The following SAMTOR variants were observed in gnomAD, a reference collection of about 807,000 sequenced individuals.
SAMTOR encodes the protein S-adenosylmethionine sensor upstream of mTORC1.
the SAMTOR span, among the ~76,000 whole-genome samples, chr7:112,909,733 G>A: frequency 1.1e-4 from 16 of 151,744 alleles, no homozygotes; most frequent in Middle Eastern, 3.4e-3. Context: ...TGTAACAGAA[G>A]AGAAATAAAA....
At chr7:112,932,119 G>GTTTC in the SAMTOR span, among the ~76,000 whole-genome samples, 6 of 151,864 alleles carry the variant, frequency 4.0e-5, no homozygotes, top group Non-Finnish European at 8.8e-5. Flanking sequence ...TAGAGACAGG[G>GTTTC]TTTCACCAAG....
the SAMTOR span, among the ~76,000 whole-genome samples, chr7:112,916,744 A>T: frequency 2.0e-5 from 3 of 152,152 alleles, no homozygotes; most frequent in Non-Finnish European, 2.9e-5. Flanking sequence ...CCACCCTAAT[A>T]CTGCGCTTTT....
the SAMTOR span, among the ~76,000 whole-genome samples, chr7:112,902,224 G>A: frequency 2.0e-5 from 3 of 151,662 alleles, no homozygotes; most frequent in East Asian, 5.8e-4. Context: ...CCTACATGGA[G>A]AAATCCGTGT....
At chr7:112,852,956 A>T in the SAMTOR span, among the ~76,000 whole-genome samples, 1 of 152,104 alleles carries the variant, frequency 6.6e-6, no homozygotes, top group East Asian at 1.9e-4. Context: ...AAGACTCTCT[A>T]AAGGACAACG....
chr7:112,823,881 T>C, the SAMTOR span, among the ~76,000 whole-genome samples: 1 of 152,246 alleles, frequency 6.6e-6, no homozygotes, highest in Non-Finnish European at 1.5e-5. Context: ...TGTAGTGGTA[T>C]TTCAGTTTTA....
chr7:112,909,276 C>A, the SAMTOR span, among the ~76,000 whole-genome samples: 1 of 152,248 alleles, frequency 6.6e-6, no homozygotes, highest in East Asian at 1.9e-4. Context: ...GTTTTGTGTA[C>A]TGGTTTTGTG....
chr7:112,898,335 T>C, the SAMTOR span, among the ~76,000 whole-genome samples: 1 of 152,194 alleles, frequency 6.6e-6, no homozygotes, highest in Non-Finnish European at 1.5e-5. Flanking sequence ...CCAGCTGTGG[T>C]GGCCATGGGA....
At chr7:112,874,670 GAATT>G in the SAMTOR span, among the ~76,000 whole-genome samples, 1 of 151,976 alleles carries the variant, frequency 6.6e-6, no homozygotes, top group Non-Finnish European at 1.5e-5. Flanking sequence ...GAAATATGTT[GAATT>G]AAATATAAAC....
chr7:112,903,002 A>G, the SAMTOR span, among the ~76,000 whole-genome samples: 2 of 152,192 alleles, frequency 1.3e-5, no homozygotes, highest in South Asian at 4.1e-4. Context: ...GCAATCTATA[A>G]AATGTTGACT....
chr7:112,849,668 C>T, the SAMTOR span, among the ~76,000 whole-genome samples: 4 of 152,228 alleles, frequency 2.6e-5, no homozygotes, highest in African/African-American at 9.6e-5. Flanking sequence ...GCATCTTTGT[C>T]TTGTTCCAGT....
chr7:112,844,172 A>G, the SAMTOR span, among the ~76,000 whole-genome samples: 1 of 152,122 alleles, frequency 6.6e-6, no homozygotes, highest in African/African-American at 2.4e-5. Context: ...CCAACATTAT[A>G]CTGAATAGGC....
the SAMTOR span, among the ~76,000 whole-genome samples, chr7:112,865,721 TATAC>T: frequency 1.4e-5 from 2 of 138,826 alleles, no homozygotes; most frequent in Non-Finnish European, 3.1e-5. Flanking sequence ...ATATTTCATA[TATAC>T]ATATATTCAT....
At chr7:112,886,326 C>A in the SAMTOR span, among the ~76,000 whole-genome samples, 1 of 152,062 alleles carries the variant, frequency 6.6e-6, no homozygotes, top group Non-Finnish European at 1.5e-5. Context: ...TGAGTTTTGG[C>A]AAAATGGGCA....
the SAMTOR span, among the ~76,000 whole-genome samples, chr7:112,856,892 T>C: frequency 5.3e-5 from 8 of 152,286 alleles, no homozygotes; most frequent in South Asian, 4.1e-4. Flanking sequence ...AGAATACAGA[T>C]AGCTTCAGCT....
At chr7:112,927,760 AC>A in the SAMTOR span, among the ~76,000 whole-genome samples, 4 of 152,218 alleles carry the variant, frequency 2.6e-5, no homozygotes, top group African/African-American at 9.6e-5. Flanking sequence ...AAATTGTCTT[AC>A]AAAATTCTAG....
the SAMTOR span, among the ~76,000 whole-genome samples, chr7:112,931,545 C>T: frequency 2.0e-5 from 3 of 152,224 alleles, no homozygotes; most frequent in Non-Finnish European, 2.9e-5. Flanking sequence ...GTGAACTTCA[C>T]AGGTGGGTCT....
the SAMTOR span, among the ~76,000 whole-genome samples, chr7:112,866,153 T>C: frequency 6.6e-6 from 1 of 152,166 alleles, no homozygotes; most frequent in South Asian, 2.1e-4. Flanking sequence ...ATTTAGGTAA[T>C]TGCTATATAA....
chr7:112,838,516 T>A, the SAMTOR span, among the ~76,000 whole-genome samples: 2 of 151,838 alleles, frequency 1.3e-5, no homozygotes, highest in Non-Finnish European at 2.9e-5. Flanking sequence ...CCTCAGAAGA[T>A]CTGGAACAAG....
the SAMTOR span, among the ~76,000 whole-genome samples, chr7:112,857,079 CTTTTTTTTTTTT>C: frequency 2.7e-4 from 29 of 105,778 alleles, no homozygotes; most frequent in African/African-American, 1.1e-3. Flanking sequence ...TTCTTTTAAT[CTTTTTTTTTTTT>C]TTTTTTTTTT....
Sources: allele counts gnomAD v4.1 joint callset (sites outside exome capture counted in the v4.1 genomes callset), GRCh38; gene constraint gnomAD v4.1.1; transcripts MANE v1.5; gene names NCBI Gene and HGNC (gene_info 2026-07-23, HGNC 2026-07-21).